KCTD5: variants seen among roughly 807,000 people sequenced by gnomAD.
KCTD5 encodes the protein potassium channel tetramerization domain containing 5.
Under a neutral mutation model 27.9 loss-of-function variants are expected in KCTD5, and 12 were observed. The observed-to-expected ratio is 0.43, with a 90% confidence interval of 0.28 to 0.70. The LOEUF (loss-of-function observed/expected upper bound fraction) is 0.70, where lower values mean the gene tolerates loss of function less well. KCTD5 is among the 30% of genes least tolerant of loss of function. KCTD5 has a pLI of 0.19. For missense variants in KCTD5, 226 were observed against 274.8 expected, an observed-to-expected ratio of 0.82 and a Z score of 1.26; for synonymous variants, 147 against 121.4, an observed-to-expected ratio of 1.21 and a Z score of -1.39.
rs563781242 is a variant in KCTD5 at position 2,698,627 on chromosome 16, G to A, written c.453+630G>A. On this transcript the variant is annotated intron_variant, in intron 3 of 5. Coordinates refer to ENST00000301738, the MANE Select transcript of KCTD5 (RefSeq NM_018992.4). ...ACCCAAGCTCAGCTCCCTTGAGAAG[G>A]CACCAGGAGTGGGGTGTGTGCCGCA... is the stretch of plus-strand genomic sequence containing the variant. 1.9e-4 allele frequency among the ~76,000 whole-genome samples: 29 copies of A among 151,622 alleles called. No individual in the cohort carries two copies. In the South Asian group the frequency reaches 6.1e-3, roughly 32 times the overall value.
At chr16:2,690,495 T>C (rs1164822661) in intron 1 of KCTD5, among the ~76,000 whole-genome samples, 1 of 152,220 alleles carries the variant, frequency 6.6e-6, no homozygotes, top group African/African-American at 2.4e-5. Flanking sequence ...GGAAATGACT[T>C]GTCAATAAAA....
In KCTD5 at chr16:2,702,433, C is replaced by T; in HGVS notation, c.630C>T (p.His210=). 6.2e-7 allele frequency: 1 copy of T among 1,613,404 alleles called. No individual in the cohort carries two copies. The highest frequency in any genetic ancestry group is 8.5e-7 in the Non-Finnish European group (1 of 1,179,966). ...EFLCVVSKEL[H]NTPYGTASEP... Reference sequence around the variant, plus strand: ...TCTGTGTGGTGTCCAAGGAGCTGCACAACACCCCGTACGGTACGGCCAGCG... The same window carrying T: ...TCTGTGTGGTGTCCAAGGAGCTGCATAACACCCCGTACGGTACGGCCAGCG... Residue 210 remains histidine (H), a synonymous_variant, in exon 5 of 6, where the codon CAC becomes CAT. Coordinates refer to ENST00000301738, the MANE Select transcript of KCTD5 (RefSeq NM_018992.4).
intron 1 of KCTD5, among the ~76,000 whole-genome samples, chr16:2,693,590 G>A (rs1281245521): frequency 1.3e-5 from 2 of 152,208 alleles, no homozygotes; most frequent in African/African-American, 2.4e-5. Context: ...AGTTTCCGCC[G>A]ATGGCCGTCC....
chr16:2,688,000 C>T (rs2067548084), intron 1 of KCTD5, among the ~76,000 whole-genome samples: 1 of 151,824 alleles, frequency 6.6e-6, no homozygotes, highest in Non-Finnish European at 1.5e-5. Flanking sequence ...TGGAATCTGC[C>T]CACCTCTGGC....
intron 1 of KCTD5, among the ~76,000 whole-genome samples, chr16:2,687,356 G>T (rs373332133): frequency 7.0e-4 from 106 of 152,322 alleles, no homozygotes; most frequent in African/African-American, 2.3e-3. Context: ...CGGCATTCTC[G>T]CCTCCAGACT....
chr16:2,687,572 G>A (rs1268658753), intron 1 of KCTD5, among the ~76,000 whole-genome samples: 2 of 152,250 alleles, frequency 1.3e-5, no homozygotes, highest in Non-Finnish European at 2.9e-5. Context: ...CGGATTGTGT[G>A]TGGCCGTTTT....
At chr16:2,704,819 G>C (rs2067627940) in intron 5 of KCTD5, among the ~76,000 whole-genome samples, 1 of 152,328 alleles carries the variant, frequency 6.6e-6, no homozygotes, top group East Asian at 1.9e-4. Context: ...CGCAGCAGAG[G>C]CCCTCCTATC....
At chr16:2,691,842 C>G (rs1407921327) in intron 1 of KCTD5, among the ~76,000 whole-genome samples, 2 of 152,214 alleles carry the variant, frequency 1.3e-5, no homozygotes, top group Admixed American at 1.3e-4. Context: ...CGTGGGGTCC[C>G]CCGCGGTGCC....
At chr16:2,697,297 T>G (rs1014225880) in intron 2 of KCTD5, 4 of 153,008 alleles carry the variant, frequency 2.6e-5, no homozygotes, top group African/African-American at 9.6e-5. Context: ...CTCTTAAGGC[T>G]CTTAAGGGAG....
intron 1 of KCTD5, among the ~76,000 whole-genome samples, chr16:2,693,073 T>C (rs1596222192): frequency 6.6e-6 from 1 of 152,226 alleles, no homozygotes; most frequent in Non-Finnish European, 1.5e-5. Flanking sequence ...ACCTGACATC[T>C]TCAGTGGGGT....
rs146809651 is a variant in KCTD5, at chr16:2,704,522, C to T, written c.675+2044C>T. ...CCCTCAAGAACTTGCTAGAAGGACT[C>T]GCAGAGCTCACTGAGAGCGCTTAGA... On this transcript the variant is annotated intron_variant, in intron 5 of 5. Transcript: ENST00000301738. Among the ~76,000 whole-genome samples the T allele has an allele frequency of 4.9e-3, 746 of 152,346 alleles. 6 individuals are homozygous for T. The highest frequency in any genetic ancestry group is 0.01 in the Middle Eastern group (3 of 294).
At chr16:2,687,842 G>A (rs1160273324) in intron 1 of KCTD5, among the ~76,000 whole-genome samples, 1 of 152,142 alleles carries the variant, frequency 6.6e-6, no homozygotes, top group Non-Finnish European at 1.5e-5. Flanking sequence ...TTGTAGCAAA[G>A]GTGCCAGCAA....
intron 5 of KCTD5, among the ~76,000 whole-genome samples, chr16:2,705,309 G>C (rs1033629336): frequency 3.9e-5 from 6 of 152,176 alleles, no homozygotes; most frequent in Admixed American, 1.3e-4. Flanking sequence ...CATGCCAGCT[G>C]TAGATCCTCA....
intron 5 of KCTD5, among the ~76,000 whole-genome samples, chr16:2,704,955 G>A (rs997742761): frequency 1.5e-4 from 23 of 152,172 alleles, no homozygotes; most frequent in Non-Finnish European, 2.4e-4. Context: ...AGATGCAGCC[G>A]CCTCACACGT....
Position 2,707,602 on chromosome 16 carries a change from T to C in KCTD5, c.*275T>C. ...GTTTTTTCCAAGTGCCACGTGGGAC[T>C]GAGGCAGACACTCCCAGTCAGCCCG... On this transcript the variant is annotated 3_prime_UTR_variant, in exon 6 of 6. Transcript: ENST00000301738. 3.3e-6 allele frequency: 2 copies of C among 609,204 alleles called. No homozygotes were observed. The highest frequency in any genetic ancestry group is 5.8e-6 in the Non-Finnish European group (2 of 342,456). The allele number at this position is 609,204 out of a possible 1,614,324, so 37.7% of individuals were successfully genotyped here.
chr16:2,691,731 G>A (rs1567193782), intron 1 of KCTD5, among the ~76,000 whole-genome samples: 1 of 152,196 alleles, frequency 6.6e-6, no homozygotes, highest in South Asian at 2.1e-4. Context: ...CTGCTCCTCT[G>A]CCCTGCAGCC....
chr16:2,699,652 G>A (rs760623657), intron 3 of KCTD5, among the ~76,000 whole-genome samples, 169 bp from the exon 4 acceptor site: 1 of 152,194 alleles, frequency 6.6e-6, no homozygotes, highest in Admixed American at 6.5e-5. Flanking sequence ...GCAGCTGTTC[G>A]GGCCGCGTGT....
At position 2,703,374 on chromosome 16, in the gene KCTD5, G is replaced by T. The variant is rs544901384; in HGVS notation, c.675+896G>T. Reference sequence around the variant, plus strand: ...CTGGGAGAGCCTGGGTGGTGGGGCGGGCTCTGTGGGGAGCCAGCCTGGGGC... The same window carrying T: ...CTGGGAGAGCCTGGGTGGTGGGGCGTGCTCTGTGGGGAGCCAGCCTGGGGC... On this transcript the variant is annotated intron_variant, in intron 5 of 5. Coordinates refer to ENST00000301738, the MANE Select transcript of KCTD5 (RefSeq NM_018992.4). Among the ~76,000 whole-genome samples the T allele has an allele frequency of 2.0e-5, 3 of 152,268 alleles. No individual in the cohort carries two copies. The East Asian group carries it at 5.8e-4, about 30-fold the overall frequency.
chr16:2,699,263 C>G, intron 3 of KCTD5: 1 of 455,618 alleles, frequency 2.2e-6, no homozygotes, highest in South Asian at 1.6e-5. Context: ...GGCTCACCAT[C>G]ACTCCCAGGA....
Sources: gnomAD v4.1 joint callset for allele counts (sites outside exome capture counted in the v4.1 genomes callset) on GRCh38, gnomAD v4.1.1 for gene constraint, MANE v1.5 for transcripts, NCBI Gene and HGNC (gene_info 2026-07-23, HGNC 2026-07-21) for gene names.